The following ERC1 variants were observed in gnomAD, a reference collection of about 807,000 sequenced individuals.
ERC1 encodes ELKS/RAB6-interacting/CAST family member 1.
Under a neutral mutation model 132.0 loss-of-function variants are expected in ERC1, and 56 were observed. The ratio of observed to expected loss-of-function variants is 0.42; its 90% confidence interval spans 0.34 to 0.53. ERC1 has a LOEUF of 0.53. ERC1 is among the 20% of genes least tolerant of loss of function. The pLI, the probability that ERC1 is intolerant of heterozygous loss-of-function variation, is 0.03. For missense variants in ERC1, 1,202 were observed against 1,349.9 expected (o/e 0.89, Z 1.72); for synonymous variants, 478 against 476.1 (o/e 1.00, Z -0.05).
chr12:1,422,500 A>T (rs1364102191), intron 17 of ERC1, among the ~76,000 whole-genome samples: 2 of 151,630 alleles, frequency 1.3e-5, no homozygotes, highest in Non-Finnish European at 2.9e-5. Flanking sequence ...CTCCCAGCTC[A>T]TCTGTGTTGC....
chr12:1,375,218 C>G (rs2087745215), intron 16 of ERC1, among the ~76,000 whole-genome samples: 1 of 152,176 alleles, frequency 6.6e-6, no homozygotes, highest in Non-Finnish European at 1.5e-5. Context: ...GGGAAACTTA[C>G]AATCATGGCG....
chr12:1,271,149 AG>A (rs1299444501), intron 14 of ERC1, among the ~76,000 whole-genome samples: 1 of 152,176 alleles, frequency 6.6e-6, no homozygotes, highest in African/African-American at 2.4e-5. Context: ...GAAAAAAAGA[AG>A]TATAAAAAGA....
At chr12:1,393,888 C>T (rs1235575277) in intron 16 of ERC1, among the ~76,000 whole-genome samples, 12 of 150,628 alleles carry the variant, frequency 8.0e-5, no homozygotes, top group Non-Finnish European at 1.6e-4. Flanking sequence ...TGGTGGCGGG[C>T]GCCTGTAGTC....
rs186563247 is a variant in ERC1, at chr12:1,071,073, T to C, written c.670-12091T>C. Among the ~76,000 whole-genome samples, 3 of 152,364 alleles carry C rather than the reference T, an allele frequency of 2.0e-5. No individual in the cohort carries two copies. In the East Asian group the frequency reaches 5.8e-4, roughly 29 times the overall value. On this transcript the variant is annotated intron_variant, in intron 2 of 18. Transcript: ENST00000360905. ...TGAGTAACACTCCATTGTGTGAATG[T>C]GGTACTATCAGTTTATCCAATCTTC...
intron 15 of ERC1, among the ~76,000 whole-genome samples, chr12:1,336,853 A>G (rs1325982538): frequency 6.6e-6 from 1 of 151,486 alleles, no homozygotes; most frequent in Non-Finnish European, 1.5e-5. Context: ...GCTGGAGTGC[A>G]GTGATACAGT....
chr12:1,023,182 T>A (rs530149868), intron 1 of ERC1, among the ~76,000 whole-genome samples: 57 of 152,310 alleles, frequency 3.7e-4, no homozygotes, highest in African/African-American at 1.3e-3. Flanking sequence ...AAAGTTGTTT[T>A]AATTCAGGTA....
At chr12:1,388,834 C>A (rs558454241) in intron 16 of ERC1, among the ~76,000 whole-genome samples, 2 of 152,268 alleles carry the variant, frequency 1.3e-5, no homozygotes, top group African/African-American at 4.8e-5. Context: ...CTAGGCCATT[C>A]TGTGTATCAA....
intron 15 of ERC1, among the ~76,000 whole-genome samples, chr12:1,347,994 A>C (rs1405792808): frequency 6.6e-6 from 1 of 152,146 alleles, no homozygotes; most frequent in African/African-American, 2.4e-5. Flanking sequence ...AGAAAAAAAA[A>C]ATTATAATTG....
At chr12:1,476,847 GAAC>G (rs1351763515) in intron 18 of ERC1, among the ~76,000 whole-genome samples, 1 of 152,074 alleles carries the variant, frequency 6.6e-6, no homozygotes, top group East Asian at 1.9e-4. Flanking sequence ...ATGAAAACGA[GAAC>G]AAACTAAATG....
intron 18 of ERC1, among the ~76,000 whole-genome samples, chr12:1,448,504 C>T (rs2093356855): frequency 6.6e-6 from 1 of 152,212 alleles, no homozygotes; most frequent in Non-Finnish European, 1.5e-5. Context: ...AGTTTGACTT[C>T]AGCTTTAACG....
chr12:1,485,301 T>C (rs2094192927), intron 18 of ERC1, among the ~76,000 whole-genome samples: 1 of 148,734 alleles, frequency 6.7e-6, no homozygotes, highest in Non-Finnish European at 1.5e-5. Context: ...ACCTCCTGGA[T>C]TCAAGCAATT....
chr12:1,003,534 T>C (rs1484721868), intron 1 of ERC1, among the ~76,000 whole-genome samples: 1 of 152,266 alleles, frequency 6.6e-6, no homozygotes. Context: ...TCTGTTTTTC[T>C]TCGCAATTCT....
chr12:1,410,329 C>A, intron 17 of ERC1: 1 of 706,864 alleles, frequency 1.4e-6, no homozygotes, highest in Non-Finnish European at 2.2e-6. Flanking sequence ...ATACTAACCA[C>A]CTCTTTTTCA....
intron 13 of ERC1, among the ~76,000 whole-genome samples, chr12:1,251,007 T>C (rs1389028083): frequency 6.6e-6 from 1 of 152,196 alleles, no homozygotes; most frequent in Non-Finnish European, 1.5e-5. Flanking sequence ...GCTTTACATA[T>C]ATTTAAGCAT....
intron 18 of ERC1, among the ~76,000 whole-genome samples, chr12:1,452,346 C>T (rs73028387): frequency 0.01 from 1,572 of 152,116 alleles, 26 homozygotes; most frequent in East Asian, 0.065. Context: ...CTTTTTTCTC[C>T]TGAGGCTTTC....
At chr12:1,243,208 A>T (rs11061674) in intron 13 of ERC1, among the ~76,000 whole-genome samples, 2 of 96,406 alleles carry the variant, frequency 2.1e-5, no homozygotes, top group Admixed American at 1.8e-4. Flanking sequence ...AAAAAAAAAG[A>T]AAAAAAAAAA....
chr12:1,060,201 G>C (rs530063819), intron 2 of ERC1, among the ~76,000 whole-genome samples: 2 of 126,364 alleles, frequency 1.6e-5, no homozygotes, highest in Non-Finnish European at 3.6e-5. Flanking sequence ...TATACTTTAA[G>C]TTTTAGGGTA....
rs565797423 is a variant in ERC1 at position 1,390,313 on chromosome 12, G to A, written c.2926-17836G>A. Among the ~76,000 whole-genome samples, 7 of 151,810 alleles carry A rather than the reference G, an allele frequency of 4.6e-5. No individual in the cohort carries two copies. In the East Asian group the frequency reaches 1.2e-3, roughly 25 times the overall value. On this transcript the variant is annotated intron_variant, in intron 16 of 18. Transcript: ENST00000360905. ...GCCAGTATGGCTCCATATATTTCTA[G>A]GACAGTGTAACCCACAGTGACATAA...
At chr12:1,067,525 T>C (rs890035463) in intron 2 of ERC1, among the ~76,000 whole-genome samples, 4 of 152,132 alleles carry the variant, frequency 2.6e-5, no homozygotes, top group Non-Finnish European at 5.9e-5. Context: ...TGCTGAGAAA[T>C]TGCTGATGGA....
Sources: allele counts gnomAD v4.1 joint callset (sites outside exome capture counted in the v4.1 genomes callset), GRCh38; gene constraint gnomAD v4.1.1; transcripts MANE v1.5; gene names NCBI Gene and HGNC (gene_info 2026-07-23, HGNC 2026-07-21).